The following TMEM132C variants were observed in gnomAD, a reference collection of about 807,000 sequenced individuals.
The protein encoded by TMEM132C is protein phosphatase 1, regulatory subunit 152.
A neutral mutation model predicts 61.4 loss-of-function variants in TMEM132C; 29 were observed. That is an observed-to-expected ratio of 0.47 (90% CI 0.35 to 0.64). The LOEUF (loss-of-function observed/expected upper bound fraction) is 0.64. Ranked by LOEUF, TMEM132C falls within the 30% of genes least tolerant of loss-of-function variation. The pLI, the probability that TMEM132C is intolerant of heterozygous loss-of-function variation, is 0.00. For missense variants in TMEM132C, 1,408 were observed against 1,476.9 expected, an observed-to-expected ratio of 0.95 and a Z score of 0.76; for synonymous variants, 656 against 633.1, an observed-to-expected ratio of 1.04 and a Z score of -0.54.
chr12:128,593,793 G>A (rs1385513095), intron 3 of TMEM132C, among the ~76,000 whole-genome samples: 1 of 151,860 alleles, frequency 6.6e-6, no homozygotes, highest in African/African-American at 2.4e-5. Flanking sequence ...CATAGTACAG[G>A]GGCCAATGCA....
intron 2 of TMEM132C, among the ~76,000 whole-genome samples, chr12:128,416,355 G>A (rs1743912329): frequency 6.6e-6 from 1 of 152,116 alleles, no homozygotes; most frequent in Non-Finnish European, 1.5e-5. Context: ...TAATTAATAC[G>A]GGGCTAAAAT....
chr12:128,657,213 C>T (rs1954334699), intron 4 of TMEM132C, among the ~76,000 whole-genome samples: 1 of 152,160 alleles, frequency 6.6e-6, no homozygotes. Context: ...ATTTGGGAGG[C>T]ATTTTGTTTT....
chr12:128,383,595 G>A (rs533186127), intron 1 of TMEM132C, among the ~76,000 whole-genome samples: 52 of 152,290 alleles, frequency 3.4e-4, no homozygotes, highest in Non-Finnish European at 6.0e-4. Context: ...TCATTCCTAA[G>A]TTCAAACGGA....
At chr12:128,515,889 G>T (rs919414854) in intron 2 of TMEM132C, among the ~76,000 whole-genome samples, 1 of 152,054 alleles carries the variant, frequency 6.6e-6, no homozygotes, top group Non-Finnish European at 1.5e-5. Flanking sequence ...ACAGCCCAAC[G>T]TGTGTGTTAT....
chr12:128,414,356 G>A (rs551184384), intron 1 of TMEM132C, among the ~76,000 whole-genome samples: 1 of 152,180 alleles, frequency 6.6e-6, no homozygotes, highest in Non-Finnish European at 1.5e-5. Flanking sequence ...GGCCTGTTTT[G>A]CTATTCATGT....
At chr12:128,366,086 G>A (rs1169153249) in intron 1 of TMEM132C, among the ~76,000 whole-genome samples, 3 of 152,292 alleles carry the variant, frequency 2.0e-5, no homozygotes, top group East Asian at 1.9e-4. Context: ...TTCCCTTTGC[G>A]GGGCTCACAC....
At chr12:128,587,490 C>T (rs539230179) in intron 3 of TMEM132C, among the ~76,000 whole-genome samples, 3 of 152,190 alleles carry the variant, frequency 2.0e-5, no homozygotes, top group Admixed American at 6.5e-5. Flanking sequence ...ACAATCACCT[C>T]GGGGGCTTAG....
At chr12:128,410,487 C>G (rs1868498871) in intron 1 of TMEM132C, among the ~76,000 whole-genome samples, 1 of 152,142 alleles carries the variant, frequency 6.6e-6, no homozygotes. Context: ...ACTGCAACCT[C>G]CACCTCCAGG....
At chr12:128,529,783 A>G (rs943446229) in intron 2 of TMEM132C, among the ~76,000 whole-genome samples, 1 of 152,170 alleles carries the variant, frequency 6.6e-6, no homozygotes. Context: ...AAGACAAACA[A>G]CAACAAAAAA....
chr12:128,397,089 G>A (rs1025128995), intron 1 of TMEM132C, among the ~76,000 whole-genome samples: 1 of 152,150 alleles, frequency 6.6e-6, no homozygotes. Context: ...CAGCAGCTGT[G>A]ACCCCTGGCA....
chr12:128,538,595 T>C (rs1224013890), intron 2 of TMEM132C, among the ~76,000 whole-genome samples: 1 of 152,200 alleles, frequency 6.6e-6, no homozygotes. Flanking sequence ...TATTTAAAAA[T>C]ACAAAGTTAT....
intron 2 of TMEM132C, among the ~76,000 whole-genome samples, chr12:128,476,912 A>G (rs904140841): frequency 5.9e-5 from 9 of 152,254 alleles, no homozygotes; most frequent in Non-Finnish European, 1.3e-4. Flanking sequence ...TCAATTATCC[A>G]CATAAATACT....
chr12:128,636,245 G>T (rs1954102527), intron 4 of TMEM132C, among the ~76,000 whole-genome samples: 1 of 152,144 alleles, frequency 6.6e-6, no homozygotes, highest in African/African-American at 2.4e-5. Context: ...TAGAGACAGG[G>T]TCTCACTTTG....
At chr12:128,297,656 G>T (rs1294388298) in intron 1 of TMEM132C, among the ~76,000 whole-genome samples, 2 of 152,186 alleles carry the variant, frequency 1.3e-5, no homozygotes, top group Non-Finnish European at 2.9e-5. Context: ...TCTTTTCAGA[G>T]AGTGTAGCAG....
intron 2 of TMEM132C, among the ~76,000 whole-genome samples, chr12:128,421,331 GT>G (rs1311325262): frequency 6.6e-6 from 1 of 152,198 alleles, no homozygotes; most frequent in African/African-American, 2.4e-5. Flanking sequence ...ATGGCTGCCG[GT>G]TAGATCACAG....
At chr12:128,290,863 GAAAT>G (rs1374287518) in intron 1 of TMEM132C, among the ~76,000 whole-genome samples, 13 of 137,220 alleles carry the variant, frequency 9.5e-5, no homozygotes, top group African/African-American at 3.4e-4. Context: ...AAAAAAAAAA[GAAAT>G]AAGTGATTTC....
At chr12:128,488,626 A>C (rs1460327294) in intron 2 of TMEM132C, among the ~76,000 whole-genome samples, 1 of 152,028 alleles carries the variant, frequency 6.6e-6, no homozygotes, top group Non-Finnish European at 1.5e-5. Context: ...ATGCCACTGT[A>C]CTCTAGCATG....
At chr12:128,687,324 G>A (rs1259846921) in intron 5 of TMEM132C, among the ~76,000 whole-genome samples, 1 of 152,082 alleles carries the variant, frequency 6.6e-6, no homozygotes, top group African/African-American at 2.4e-5. Context: ...TCTTTGTTGT[G>A]GGGGACTGGC....
intron 1 of TMEM132C, among the ~76,000 whole-genome samples, chr12:128,366,368 G>A (rs979872260): frequency 1.3e-5 from 2 of 152,224 alleles, no homozygotes; most frequent in African/African-American, 2.4e-5. Flanking sequence ...CGAACTTGCT[G>A]ACTTTCCTTA....
Sources: allele counts gnomAD v4.1 joint callset (sites outside exome capture counted in the v4.1 genomes callset), GRCh38; gene constraint gnomAD v4.1.1; transcripts MANE v1.5; gene names NCBI Gene and HGNC (gene_info 2026-07-23, HGNC 2026-07-21).